ADAMTS2: variants seen among roughly 807,000 people sequenced by gnomAD.
The protein encoded by ADAMTS2 is A disintegrin and metalloproteinase with thrombospondin motifs 2.
Under a neutral mutation model 123.0 loss-of-function variants are expected in ADAMTS2, and 50 were observed. The observed-to-expected ratio is 0.41, with a 90% CI of 0.32 to 0.51. The LOEUF is 0.51. Ranked by LOEUF, ADAMTS2 falls within the 20% of genes least tolerant of loss-of-function variation. The pLI is 0.35. For synonymous variants in ADAMTS2, 678 were observed against 695.4 expected, an observed-to-expected ratio of 0.98 and a Z score of 0.39; for missense variants, 1,494 against 1,705.2, an observed-to-expected ratio of 0.88 and a Z score of 2.18.
In ADAMTS2 at chr5:179,153,491, C is replaced by T. The variant is rs775724420; in HGVS notation, c.1515G>A (p.Ala505=). The change falls in exon 9 of 22, where the codon GCG becomes GCA. Residue 505 remains alanine, a splice_region_variant and synonymous_variant. Coordinates refer to ENST00000251582, the MANE Select transcript of ADAMTS2 (RefSeq NM_014244.5). ...DFGLGYMMCT[A]FRTFDPCKQL... ...CCCGGCTGCAGGGCTGCACACTCAC[C>T]GCCGTGCACATCATGTAGCCCAGGC... 8 of 1,608,152 alleles carry T rather than the reference C, an allele frequency of 5.0e-6. No individual in the cohort carries two copies. The highest frequency in any genetic ancestry group is 1.6e-4 in the Middle Eastern group (1 of 6,082).
At chr5:179,210,889 C>G (rs891452024) in intron 3 of ADAMTS2, among the ~76,000 whole-genome samples, 1 of 152,254 alleles carries the variant, frequency 6.6e-6, no homozygotes, top group Non-Finnish European at 1.5e-5. Flanking sequence ...ACGAGTGCCA[C>G]CTCAGTTTTT....
Position 179,181,266 on chromosome 5 carries a change from A to G in ADAMTS2, c.892-111T>C, listed in dbSNP as rs73809711. The G allele has an allele frequency of 4.1e-3, 3,346 of 808,016 alleles. 49 individuals are homozygous for G. The highest frequency in any genetic ancestry group is 0.034 in the African/African-American group (2,043 of 59,416). 50.1% of individuals were successfully genotyped at this position (808,016 alleles called of 1,614,324 possible). On this transcript the variant is annotated intron_variant, in intron 4 of 21. Coordinates refer to ENST00000251582, the MANE Select transcript of ADAMTS2 (RefSeq NM_014244.5). This position sits in a 1 kb window ranked among gnomAD's most constrained non-coding sequence, Gnocchi z 4.1. ...CTTCTTCTTCCCATGCTTTCCACCC[A>G]GGCGTCACCATCAACTAGGAGCCAC...
At chr5:179,146,045 G>A (rs1282642576) in intron 10 of ADAMTS2, among the ~76,000 whole-genome samples, 2 of 152,106 alleles carry the variant, frequency 1.3e-5, no homozygotes, top group East Asian at 3.9e-4. Context: ...AGCAGAGACA[G>A]GGTTTCACCA....
chr5:179,210,761 C>G (rs770119978), intron 3 of ADAMTS2, among the ~76,000 whole-genome samples: 23 of 152,230 alleles, frequency 1.5e-4, no homozygotes, highest in Non-Finnish European at 2.5e-4. Flanking sequence ...GGCCCAGCCC[C>G]CCTCCTGTCC....
chr5:179,241,900 C>T (rs535329230), intron 3 of ADAMTS2, among the ~76,000 whole-genome samples: 8 of 152,236 alleles, frequency 5.3e-5, no homozygotes, highest in Admixed American at 1.3e-4. Context: ...AGCCCCTTTC[C>T]GCCAGCGGGA....
intron 2 of ADAMTS2, among the ~76,000 whole-genome samples, chr5:179,342,683 A>G (rs919625407): frequency 6.6e-6 from 1 of 152,196 alleles, no homozygotes; most frequent in Non-Finnish European, 1.5e-5. Flanking sequence ...AGCGGAACCC[A>G]TGGTGGGCGG....
rs1390103862 is a variant in ADAMTS2, at chr5:179,128,900, C to T, written c.2458-782G>A. Reference sequence around the variant, plus strand: ...TCAGGGTGATTTTCAACAGCGAAATCGCCCCCAAAATAGCACAAAATGTGA... The same window carrying T: ...TCAGGGTGATTTTCAACAGCGAAATTGCCCCCAAAATAGCACAAAATGTGA... On this transcript the variant is annotated intron_variant, in intron 16 of 21. Coordinates refer to ENST00000251582, the MANE Select transcript of ADAMTS2 (RefSeq NM_014244.5). The surrounding 1 kb of genome is among the most constrained non-coding windows in gnomAD (Gnocchi z 4.9). Among the ~76,000 whole-genome samples, 1 of 152,084 alleles carries T rather than the reference C, an allele frequency of 6.6e-6. No homozygotes were observed. The highest frequency in any genetic ancestry group is 2.4e-5 in the African/African-American group (1 of 41,404).
Position 179,272,283 on chromosome 5 carries a change from C to T in ADAMTS2, c.688+628G>A, listed in dbSNP as rs929959918. Among the ~76,000 whole-genome samples, 10 of 152,200 alleles carry T rather than the reference C, an allele frequency of 6.6e-5. No homozygotes were observed. The highest frequency in any genetic ancestry group is 6.2e-4 in the South Asian group (3 of 4,832). On this transcript the variant is annotated intron_variant, in intron 3 of 21. Coordinates refer to ENST00000251582, the MANE Select transcript of ADAMTS2 (RefSeq NM_014244.5). The surrounding 1 kb of genome is among the most constrained non-coding windows in gnomAD (Gnocchi z 5.8). ...TTCACGTTTCTGGGCCCAGGGCACA[C>T]GTGGGTTCTGAGTTGAAAAAGACAG...
intron 3 of ADAMTS2, among the ~76,000 whole-genome samples, chr5:179,217,164 G>C (rs1765002038): frequency 6.6e-6 from 1 of 152,214 alleles, no homozygotes; most frequent in Non-Finnish European, 1.5e-5. Context: ...AGCAAATGTG[G>C]TGGGGGCATC....
At chr5:179,134,369 G>A (rs1030435010) in intron 13 of ADAMTS2, among the ~76,000 whole-genome samples, 1 of 152,048 alleles carries the variant, frequency 6.6e-6, no homozygotes, top group African/African-American at 2.4e-5. Context: ...CTTTATCCAG[G>A]ACTCACATAC....
rs757939135 is a variant in ADAMTS2, at chr5:179,315,205, G to A, written c.534+28562C>T. On this transcript the variant is annotated intron_variant, in intron 2 of 21. Coordinates refer to ENST00000251582, the MANE Select transcript of ADAMTS2 (RefSeq NM_014244.5). ...CCCCAGAGGGCTCCTCCCAAGACACGCGTCCACGTCGCCATGGACAAGATT... is the reference window on the plus strand; with the variant it reads ...CCCCAGAGGGCTCCTCCCAAGACACACGTCCACGTCGCCATGGACAAGATT... 3.3e-3 allele frequency among the ~76,000 whole-genome samples: 194 copies of A among 58,128 alleles called. 2 individuals carry two copies. The highest frequency in any genetic ancestry group is 2.5e-3 in the Admixed American group (10 of 4,020). The allele number at this position is 58,128 out of a possible 152,430, so 38.1% of individuals were successfully genotyped here. A position where few individuals can be genotyped will look rare whatever the true frequency, so the allele number is the denominator to read the frequency against.
chr5:179,148,680 G>A (rs1048232424), intron 10 of ADAMTS2, among the ~76,000 whole-genome samples: 3 of 152,142 alleles, frequency 2.0e-5, no homozygotes, highest in Non-Finnish European at 4.4e-5. Context: ...CTCCTCGCTC[G>A]GGCAAGCCCC....
rs542650544 is a variant in ADAMTS2, at chr5:179,342,052, G to A, written c.534+1715C>T. On this transcript the variant is annotated intron_variant, in intron 2 of 21. Coordinates refer to ENST00000251582, the MANE Select transcript of ADAMTS2 (RefSeq NM_014244.5). ...CAGAGTGTCCGTCAGCCACCCTGAC[G>A]ACAGGAGCCCTGGGTGGGTACCAGA... 5.8e-4 allele frequency among the ~76,000 whole-genome samples: 88 copies of A among 152,350 alleles called. 3 individuals are homozygous for A. The highest frequency in any genetic ancestry group is 6.5e-4 in the Admixed American group (10 of 15,304).
At chr5:179,258,217 C>T (rs1257597979) in intron 3 of ADAMTS2, among the ~76,000 whole-genome samples, 1 of 152,152 alleles carries the variant, frequency 6.6e-6, no homozygotes, top group East Asian at 1.9e-4. Context: ...TTTGGGTGGG[C>T]AGACCTGAGC....
intron 3 of ADAMTS2, among the ~76,000 whole-genome samples, chr5:179,269,218 G>A (rs1766459206): frequency 6.6e-6 from 1 of 152,274 alleles, no homozygotes; most frequent in African/African-American, 2.4e-5. Flanking sequence ...GCCTCTGGAG[G>A]GAGCACAGCC....
At chr5:179,198,608 T>G (rs976800600) in intron 4 of ADAMTS2, among the ~76,000 whole-genome samples, 1 of 151,412 alleles carries the variant, frequency 6.6e-6, no homozygotes, top group Non-Finnish European at 1.5e-5. Context: ...CTGAGGCGGG[T>G]GGATCACCTG....
intron 4 of ADAMTS2, among the ~76,000 whole-genome samples, chr5:179,203,796 C>A (rs185622639): frequency 1.3e-5 from 2 of 152,206 alleles, no homozygotes; most frequent in South Asian, 4.1e-4. Context: ...TGGGAAACAG[C>A]GTGGAAACTC....
chr5:179,330,393 C>T (rs1024372345), intron 2 of ADAMTS2, among the ~76,000 whole-genome samples: 1 of 152,200 alleles, frequency 6.6e-6, no homozygotes, highest in African/African-American at 2.4e-5. Context: ...ATCCCTGGCC[C>T]CAAAGGCCAC....
intron 9 of ADAMTS2, 135 bp downstream of exon 9, chr5:179,153,356 C>T (rs1763401317): frequency 7.3e-7 from 1 of 1,372,670 alleles, no homozygotes; most frequent in South Asian, 1.3e-5. Flanking sequence ...TGCAGAGGGA[C>T]AGGCTGCCAC....
Sources: gnomAD v4.1 joint callset for allele counts (sites outside exome capture counted in the v4.1 genomes callset) on GRCh38, gnomAD v4.1.1 for gene constraint, Gnocchi (gnomAD v3.1) non-coding constraint, MANE v1.5 for transcripts, NCBI Gene and HGNC (gene_info 2026-07-23, HGNC 2026-07-21) for gene names.